The following MCTP1 variants were observed in gnomAD, a reference collection of about 807,000 sequenced individuals.
The protein encoded by MCTP1 is multiple C2 and transmembrane domain containing 1.
In MCTP1, 69 loss-of-function variants were observed where a neutral mutation model predicts 120.6. The observed-to-expected ratio is 0.57, with a 90% CI of 0.47 to 0.70. The LOEUF (loss-of-function observed/expected upper bound fraction) is 0.70, where lower values mean the gene tolerates loss of function less well. MCTP1 is among the 30% of genes least tolerant of loss of function. MCTP1 has a pLI of 0.00. For synonymous variants in MCTP1, 529 were observed against 493.1 expected (o/e 1.07, Z -0.96); for missense variants, 1,203 against 1,248.8 (o/e 0.96, Z 0.55).
At chr5:95,130,620 G>A (rs1758974182) in intron 1 of MCTP1, among the ~76,000 whole-genome samples, 1 of 152,174 alleles carries the variant, frequency 6.6e-6, no homozygotes, top group Non-Finnish European at 1.5e-5. Context: ...CAAGATCAAA[G>A]TGTTGGCAGG....
At chr5:94,818,692 A>C (rs1784984405) in intron 17 of MCTP1, among the ~76,000 whole-genome samples, 1 of 152,194 alleles carries the variant, frequency 6.6e-6, no homozygotes, top group Non-Finnish European at 1.5e-5. Context: ...TTAATGAAGG[A>C]AGGTCTTCTT....
chr5:94,835,787 G>A (rs773831470), intron 17 of MCTP1, among the ~76,000 whole-genome samples: 2 of 152,100 alleles, frequency 1.3e-5, no homozygotes, highest in African/African-American at 2.4e-5. Context: ...TGCAGATCAC[G>A]AGGTCAGGAG....
intron 6 of MCTP1, 169 bp downstream of exon 6, chr5:94,931,784 G>T: frequency 1.6e-6 from 1 of 634,172 alleles, no homozygotes; most frequent in Non-Finnish European, 2.8e-6. Context: ...TGATCGGTGT[G>T]ATTTCTATTT....
chr5:94,975,146 C>T (rs1827823801), intron 2 of MCTP1, among the ~76,000 whole-genome samples: 1 of 152,044 alleles, frequency 6.6e-6, no homozygotes. Context: ...TGAAAGAAGA[C>T]TGGCCATGGT....
intron 1 of MCTP1, among the ~76,000 whole-genome samples, chr5:95,186,924 G>C (rs1229873435): frequency 6.6e-6 from 1 of 152,154 alleles, no homozygotes; most frequent in African/African-American, 2.4e-5. Context: ...AGTTAAAATG[G>C]CTTATATCCA....
chr5:95,113,252 C>T (rs181935563), intron 1 of MCTP1, among the ~76,000 whole-genome samples: 3 of 152,124 alleles, frequency 2.0e-5, no homozygotes, highest in African/African-American at 4.8e-5. Flanking sequence ...CAATCGTCCA[C>T]CCGCCCAGGA....
intron 19 of MCTP1, among the ~76,000 whole-genome samples, chr5:94,741,655 T>G (rs1169069411): frequency 6.6e-6 from 1 of 152,214 alleles, no homozygotes; most frequent in Non-Finnish European, 1.5e-5. Flanking sequence ...TCAGATGCTT[T>G]AGTAATAATT....
intron 1 of MCTP1, among the ~76,000 whole-genome samples, chr5:95,237,041 C>T (rs958269845): frequency 1.2e-4 from 19 of 152,110 alleles, no homozygotes; most frequent in African/African-American, 3.6e-4. Context: ...GTTCACATTC[C>T]CAGAAAGTTC....
At chr5:95,123,601 G>T (rs910813634) in intron 1 of MCTP1, among the ~76,000 whole-genome samples, 3 of 151,922 alleles carry the variant, frequency 2.0e-5, no homozygotes, top group Non-Finnish European at 4.4e-5. Context: ...TTCAGCACAA[G>T]ATATATACTT....
intron 20 of MCTP1, among the ~76,000 whole-genome samples, chr5:94,714,055 C>T (rs11952113): frequency 0.016 from 2,371 of 152,144 alleles, 66 homozygotes; most frequent in African/African-American, 0.053. Flanking sequence ...GGTCTTATAT[C>T]TTTTAACTGA....
chr5:95,245,975 G>A (rs988492639), intron 1 of MCTP1, among the ~76,000 whole-genome samples: 3 of 151,948 alleles, frequency 2.0e-5, no homozygotes, highest in South Asian at 2.1e-4. Flanking sequence ...GACTAACAGC[G>A]GATCTCTCGG....
rs114270375 is a variant in MCTP1 at position 95,280,730 on chromosome 5, A to G, written c.720+3126T>C. Among the ~76,000 whole-genome samples the G allele has an allele frequency of 1.3e-3, 193 of 152,336 alleles. 1 individual carries two copies. The highest frequency in any genetic ancestry group is 4.0e-3 in the African/African-American group (168 of 41,570). On this transcript the variant is annotated intron_variant, in intron 1 of 22. Coordinates refer to ENST00000515393, the MANE Select transcript of MCTP1 (RefSeq NM_024717.7). ...CAGCAAGGCATTATTAAGTCTGTTA[A>G]TACATATTGCAAAGTGTGTTTGGCT...
intron 11 of MCTP1, among the ~76,000 whole-genome samples, chr5:94,891,094 CCT>C (rs1401019702): frequency 6.6e-6 from 1 of 152,136 alleles, no homozygotes; most frequent in African/African-American, 2.4e-5. Flanking sequence ...GAAACTATGA[CCT>C]TCGTATATTG....
intron 1 of MCTP1, among the ~76,000 whole-genome samples, chr5:95,151,251 T>A (rs1390028285): frequency 6.6e-6 from 1 of 151,552 alleles, no homozygotes; most frequent in Non-Finnish European, 1.5e-5. Context: ...TCGAAAGTGC[T>A]AGGATTATAG....
chr5:94,969,260 A>ATGT (rs2153572777), intron 2 of MCTP1, among the ~76,000 whole-genome samples: 1 of 152,292 alleles, frequency 6.6e-6, no homozygotes, highest in South Asian at 2.1e-4. Flanking sequence ...AAAGCCTTTT[A>ATGT]TGTTATTTAA....
intron 18 of MCTP1, among the ~76,000 whole-genome samples, chr5:94,788,182 T>C (rs186748547): frequency 3.4e-4 from 52 of 152,350 alleles, no homozygotes; most frequent in African/African-American, 1.1e-3. Context: ...TTTAAAGAAC[T>C]GATAGAGTAT....
intron 19 of MCTP1, among the ~76,000 whole-genome samples, chr5:94,717,987 C>T (rs147464523): frequency 1.3e-5 from 2 of 152,142 alleles, no homozygotes; most frequent in East Asian, 1.9e-4. Context: ...TACCACTGAC[C>T]TTCTTCACAA....
At chr5:95,186,621 C>T (rs999004818) in intron 1 of MCTP1, among the ~76,000 whole-genome samples, 1 of 152,144 alleles carries the variant, frequency 6.6e-6, no homozygotes, top group Non-Finnish European at 1.5e-5. Flanking sequence ...AATATAATTC[C>T]TATCAAAATC....
chr5:95,074,384 G>T (rs549331560), intron 1 of MCTP1, among the ~76,000 whole-genome samples: 6 of 152,336 alleles, frequency 3.9e-5, no homozygotes, highest in African/African-American at 1.4e-4. Flanking sequence ...AAGAGAGATG[G>T]CTGGCAACTC....
Sources: allele counts gnomAD v4.1 joint callset (sites outside exome capture counted in the v4.1 genomes callset), GRCh38; gene constraint gnomAD v4.1.1; transcripts MANE v1.5; gene names NCBI Gene and HGNC (gene_info 2026-07-23, HGNC 2026-07-21).